Variants in MFN2 observed in about 807,000 individuals in gnomAD.
MFN2 encodes mitofusin 2, also known as mitofusin-2.
A neutral mutation model predicts 87.5 loss-of-function variants in MFN2; 43 were observed. The observed-to-expected ratio is 0.49, with a 90% CI of 0.38 to 0.63. The LOEUF (loss-of-function observed/expected upper bound fraction) is 0.63. MFN2 is among the 30% of genes least tolerant of loss of function. MFN2 has a pLI of 0.00. For synonymous variants in MFN2, 337 were observed against 359.9 expected (o/e 0.94, Z 0.72); for missense variants, 743 against 972.8 (o/e 0.76, Z 3.14).
intron 2 of MFN2, 134 bp from the exon 3 acceptor site, chr1:11,989,031 T>C (rs1342053460): frequency 9.0e-6 from 9 of 995,326 alleles, no homozygotes; most frequent in Non-Finnish European, 1.4e-5. Context: ...CACCGTCCTT[T>C]GTTCTAGTCC....
chr1:11,990,466 C>A (rs1207614415), intron 3 of MFN2, among the ~76,000 whole-genome samples: 13 of 152,228 alleles, frequency 8.5e-5, no homozygotes, highest in Admixed American at 8.5e-4. Flanking sequence ...TGGGGTAGAT[C>A]AGGCCGCTCC....
intron 3 of MFN2, among the ~76,000 whole-genome samples, chr1:11,991,950 A>AAAAAAAAG (rs1202436105): frequency 7.0e-6 from 1 of 142,664 alleles, no homozygotes. Context: ...AAAAAAAAAA[A>AAAAAAAAG]AAGAAGTGAC....
chr1:12,007,242 G>C lies in MFN2; in HGVS notation c.2062G>C (p.Val688Leu), dbSNP rs771237190. 1 of 1,613,956 alleles carries C rather than the reference G, an allele frequency of 6.2e-7. No individual in the cohort carries two copies. The highest frequency in any genetic ancestry group is 8.5e-7 in the Non-Finnish European group (1 of 1,179,990). ...SYTGSNCSHQ[V>L]QQELSGTFAH... ...CACTGGCTCCAACTGCAGCCACCAA[G>C]TCCAGCAGTGAGTGGCCCTGTCGGA... Residue 688 changes from valine (V) to leucine (L), a missense_variant, in exon 17 of 19, where the codon GTC becomes CTC. Coordinates refer to ENST00000235329, the MANE Select transcript of MFN2 (RefSeq NM_014874.4).
At chr1:11,996,613 T>C (rs564634282) in intron 5 of MFN2, among the ~76,000 whole-genome samples, 8 of 152,324 alleles carry the variant, frequency 5.3e-5, no homozygotes, top group Non-Finnish European at 1.0e-4. Context: ...GTGTTCTTCC[T>C]TGGGATATTG....
Position 11,998,173 on chromosome 1 carries a change from T to C in MFN2, c.600-597T>C, listed in dbSNP as rs111693900. ...CTGGGATTACGGGCATGAGCCACTG[T>C]GCCCCGCCTGGTATATCATCTTTAA... is the stretch of plus-strand genomic sequence containing the variant. On this transcript the variant is annotated intron_variant, in intron 6 of 18. Coordinates refer to ENST00000235329, the MANE Select transcript of MFN2 (RefSeq NM_014874.4). 9.1e-3 allele frequency among the ~76,000 whole-genome samples: 1,386 copies of C among 152,040 alleles called. 25 individuals carry two copies. The highest frequency in any genetic ancestry group is 0.031 in the African/African-American group (1,296 of 41,494).
intron 6 of MFN2, among the ~76,000 whole-genome samples, chr1:11,997,857 C>A (rs1159952525): frequency 2.0e-5 from 3 of 147,186 alleles, no homozygotes; most frequent in African/African-American, 7.5e-5. Context: ...CAAGTCACAA[C>A]TTCACCTTAA....
At chr1:11,987,092 T>C (rs1244716725) in intron 2 of MFN2, among the ~76,000 whole-genome samples, 2 of 151,964 alleles carry the variant, frequency 1.3e-5, no homozygotes, top group Non-Finnish European at 2.9e-5. Context: ...GATGGATCAC[T>C]TGAGGTCAGG....
rs1426343841 is a variant in MFN2 at position 12,003,941 on chromosome 1, TCTG to T, written c.1161-48_1161-46del. ...GATTTCTGGCATCCCCTCTTGCTCC[TCTG>T]CTTAGTCAGACAGGAACATGGATTT... On this transcript the variant is annotated intron_variant, in intron 11 of 18. Transcript: ENST00000235329. The surrounding 1 kb of genome is among the most constrained non-coding windows in gnomAD (Gnocchi z 4.1). 4 of 1,613,286 alleles carry T rather than the reference TCTG, an allele frequency of 2.5e-6. No homozygotes were observed. Among genetic ancestry groups the T allele is most frequent in the Non-Finnish European group, 3.4e-6 (4 of 1,179,554 alleles).
intron 3 of MFN2, 108 bp from the exon 4 acceptor site, chr1:11,992,447 A>G: frequency 7.3e-7 from 1 of 1,377,830 alleles, no homozygotes; most frequent in South Asian, 1.2e-5. Flanking sequence ...AGGGTGCCAG[A>G]GGTGGACTCG....
In MFN2 at chr1:12,001,382, A is replaced by C. The variant is rs540498876; in HGVS notation, c.817-19A>C. ...GGGGCCACCTACACTCACTCTGGAC[A>C]CATTTGTTTGGGCTCCAGGTGCGGC... On this transcript the variant is annotated intron_variant, in intron 8 of 18. Coordinates refer to ENST00000235329, the MANE Select transcript of MFN2 (RefSeq NM_014874.4). 1.2e-6 allele frequency: 2 copies of C among 1,612,826 alleles called. No homozygotes were observed. The highest frequency in any genetic ancestry group is 3.3e-5 in the Admixed American group (2 of 59,930).
At chr1:11,993,281 A>C (rs1301598321) in intron 4 of MFN2, among the ~76,000 whole-genome samples, 1 of 152,072 alleles carries the variant, frequency 6.6e-6, no homozygotes, top group African/African-American at 2.4e-5. Flanking sequence ...CACTTACATG[A>C]ATTTAATACA....
intron 2 of MFN2, among the ~76,000 whole-genome samples, chr1:11,987,011 A>G (rs1213929605): frequency 6.6e-6 from 1 of 152,194 alleles, no homozygotes; most frequent in Non-Finnish European, 1.5e-5. Context: ...TCACACAAAA[A>G]TAGACTGTGA....
chr1:12,001,465 G>C lies in MFN2; in HGVS notation c.881G>C (p.Arg294Pro). 6.2e-7 allele frequency: 1 copy of C among 1,614,024 alleles called. No individual in the cohort carries two copies. The highest frequency in any genetic ancestry group is 2.2e-5 in the East Asian group (1 of 44,884). ...FLVDELGVVD[R>P]SQAGDRIFFV... ...GTGGATGAGCTGGGCGTGGTGGATC[G>C]ATCCCAGGCCGGGGACCGCATCTTC... The change falls in exon 9 of 19, where the codon CGA (arginine) becomes CCA (proline). Residue 294 changes from arginine (R) to proline (P), a missense_variant. Transcript: ENST00000235329.
chr1:12,009,296 G>T (rs1038382090), intron 17 of MFN2, among the ~76,000 whole-genome samples: 1 of 152,194 alleles, frequency 6.6e-6, no homozygotes, highest in African/African-American at 2.4e-5. Flanking sequence ...AAATAGTGAC[G>T]TGTCCTCTGC....
intron 18 of MFN2, 129 bp downstream of exon 18, chr1:12,009,855 G>A (rs746643641): frequency 6.2e-5 from 84 of 1,361,604 alleles, no homozygotes; most frequent in Non-Finnish European, 8.2e-5. Flanking sequence ...GCTCATTCGT[G>A]TTAGATGTGT....
intron 5 of MFN2, among the ~76,000 whole-genome samples, chr1:11,996,856 G>A (rs1442699866): frequency 6.6e-6 from 1 of 152,074 alleles, no homozygotes; most frequent in African/African-American, 2.4e-5. Context: ...TGGCCAACAT[G>A]GTGAAACCCC....
chr1:12,004,839 CAT>C lies in MFN2; in HGVS notation c.1409_1410del (p.Ile470ArgfsTer10), dbSNP rs1569862384. On this transcript the variant is annotated frameshift_variant, in exon 14 of 19. Transcript: ENST00000235329. LOFTEE classifies it high-confidence loss of function. This position sits in a 1 kb window ranked among gnomAD's most constrained non-coding sequence, Gnocchi z 4.2. ...KVYKNELHRH[I>X]EEGLGRNMSD... is the part of the protein sequence containing the mutation. ...TCTGGTGGCAGGAGCTGCACCGCCA[CAT>C]AGAGGAAGGACTGGGTCGAAACATG... is the stretch of plus-strand genomic sequence containing the variant. 2 of 1,613,978 alleles carry C rather than the reference CAT, an allele frequency of 1.2e-6. No individual in the cohort carries two copies. Among genetic ancestry groups the C allele is most frequent in the Non-Finnish European group, 1.7e-6 (2 of 1,179,924 alleles).
At chr1:12,005,011 C>T (rs1254005264) in intron 14 of MFN2, 84 bp downstream of exon 14, 63 of 1,031,242 alleles carry the variant, frequency 6.1e-5, no homozygotes, top group Non-Finnish European at 4.5e-6. Context: ...GAAATCAGGA[C>T]TTTCCTTATC....
intron 2 of MFN2, among the ~76,000 whole-genome samples, chr1:11,985,875 G>A (rs536211465): frequency 6.6e-5 from 10 of 152,266 alleles, no homozygotes; most frequent in African/African-American, 9.6e-5. Context: ...TCATTTCAGC[G>A]CACTCTCCTT....
Sources: allele counts gnomAD v4.1 joint callset (sites outside exome capture counted in the v4.1 genomes callset), GRCh38; gene constraint gnomAD v4.1.1; non-coding constraint Gnocchi (gnomAD v3.1); transcripts MANE v1.5; gene names NCBI Gene and HGNC (gene_info 2026-07-23, HGNC 2026-07-21).